CCDC88A: variants seen among roughly 807,000 people sequenced by gnomAD.
CCDC88A encodes the protein girdin.
Under a neutral mutation model 234.3 loss-of-function variants are expected in CCDC88A, and 54 were observed. The ratio of observed to expected loss-of-function variants is 0.23; its 90% CI spans 0.19 to 0.29. CCDC88A has a LOEUF of 0.29. CCDC88A is among the 10% of genes least tolerant of loss of function. CCDC88A has a pLI of 1.00. For missense variants in CCDC88A, 1,832 were observed against 2,123.4 expected (o/e 0.86, Z 2.70); for synonymous variants, 753 against 737.8 (o/e 1.02, Z -0.33).
intron 17 of CCDC88A, chr2:55,323,356 G>A (rs1471146318): frequency 1.3e-5 from 2 of 151,998 alleles, no homozygotes; most frequent in Non-Finnish European, 2.9e-5. Context: ...ATTAAGGCAG[G>A]GATAGAAATG....
At position 55,296,429 on chromosome 2, in the gene CCDC88A, G is replaced by A. The variant is rs1290944817; in HGVS notation, c.4920C>T (p.Ser1640=). The A allele has an allele frequency of 6.2e-7, 1 of 1,614,154 alleles. No homozygotes were observed. Residue 1640 remains serine, a synonymous_variant, in exon 30 of 33, where the codon AGC becomes AGT. Transcript: ENST00000436346. ...GTCTTTTCAAGTACTGGATTGGACT[G>A]CTACCACTGCTGGACCAAGCCTCAT... ...HDHEAWSSSG[S]SPIQYLKRQT...
chr2:55,406,176 A>T (rs1016882401), intron 2 of CCDC88A: 2 of 151,816 alleles, frequency 1.3e-5, no homozygotes, highest in East Asian at 1.9e-4. Context: ...AAAAAAAAAA[A>T]ATACAAATTC....
chr2:55,337,652 C>CG (rs1667967996), intron 13 of CCDC88A: 1 of 152,050 alleles, frequency 6.6e-6, no homozygotes, highest in South Asian at 2.1e-4. Flanking sequence ...CACAGTGAAA[C>CG]GATGTCTCTA....
chr2:55,350,920 G>A (rs184597793), intron 8 of CCDC88A, among the ~76,000 whole-genome samples: 2 of 152,158 alleles, frequency 1.3e-5, no homozygotes, highest in African/African-American at 4.8e-5. Flanking sequence ...CCAAAGCACT[G>A]GGATTACCGG....
At chr2:55,412,975 G>A (rs867281346) in intron 2 of CCDC88A, among the ~76,000 whole-genome samples, 54 of 152,258 alleles carry the variant, frequency 3.5e-4, no homozygotes, top group African/African-American at 1.3e-3. Flanking sequence ...AAGCTGAGGT[G>A]GGAGGATCAC....
intron 31 of CCDC88A, chr2:55,294,260 C>G (rs1416782505): frequency 1.1e-6 from 1 of 950,412 alleles, no homozygotes; most frequent in Admixed American, 6.2e-5. Context: ...AGTATAGAAG[C>G]CATCTTGAAG....
intron 2 of CCDC88A, among the ~76,000 whole-genome samples, chr2:55,407,530 G>A (rs1055698896): frequency 3.3e-5 from 5 of 151,520 alleles, no homozygotes; most frequent in South Asian, 2.1e-4. Context: ...GCTTGAAACC[G>A]GGAGGCAGAG....
chr2:55,309,142 T>C lies in CCDC88A; in HGVS notation c.4172+20A>G. On this transcript the variant is annotated intron_variant, in intron 24 of 32. Transcript: ENST00000436346. This position sits in a 1 kb window ranked among gnomAD's most constrained non-coding sequence, Gnocchi z 5.1. ...TGTTTTTTTTCAGAATAAGAATTCA[T>C]AAAATTTGGTTAATGGTACCTTCTA... 3 of 1,476,872 alleles carry C rather than the reference T, an allele frequency of 2.0e-6. No homozygotes were observed. The highest frequency in any genetic ancestry group is 1.9e-6 in the Non-Finnish European group (2 of 1,066,654). The allele number at this position is 1,476,872 out of a possible 1,614,324, so 91.5% of individuals were successfully genotyped here.
Position 55,290,876 on chromosome 2 carries a change from A to G in CCDC88A, c.*324T>C, listed in dbSNP as rs1207909674. On this transcript the variant is annotated 3_prime_UTR_variant, in exon 33 of 33. Coordinates refer to ENST00000436346, the MANE Select transcript of CCDC88A (RefSeq NM_001365480.1). ...TTGTTCTTGGAGTACTTCTTTAAAC[A>G]CTTAACCTTAAAACACCTGGTCCTT... 6.6e-6 allele frequency: 1 copy of G among 152,570 alleles called. No homozygotes were observed. The highest frequency in any genetic ancestry group is 2.4e-5 in the African/African-American group (1 of 41,460). The allele number at this position is 152,570 out of a possible 1,614,324, so 9.5% of individuals were successfully genotyped here.
intron 2 of CCDC88A, among the ~76,000 whole-genome samples, chr2:55,401,563 CCAT>C (rs1429148189): frequency 9.4e-5 from 2 of 21,344 alleles, no homozygotes; most frequent in African/African-American, 1.5e-4. Context: ...TTTCTCCCCC[CCAT>C]AAATTCAAAT....
At chr2:55,351,421 C>T (rs1296364917) in intron 8 of CCDC88A, among the ~76,000 whole-genome samples, 3 of 151,994 alleles carry the variant, frequency 2.0e-5, no homozygotes, top group East Asian at 1.9e-4. Context: ...AGTCCCAGCT[C>T]ACTGCAGCCT....
In CCDC88A at chr2:55,388,811, G is replaced by T; in HGVS notation, c.240C>A (p.Ser80=). 1 of 1,522,944 alleles carries T rather than the reference G, an allele frequency of 6.6e-7. No homozygotes were observed. The highest frequency in any genetic ancestry group is 9.0e-7 in the Non-Finnish European group (1 of 1,114,666). 94.3% of individuals were successfully genotyped at this position (1,522,944 alleles called of 1,614,324 possible). A position where few individuals can be genotyped will look rare whatever the true frequency, so the allele number is the denominator to read the frequency against. ...AAAATTTTATCTGTCTCACCAAAAT[G>T]GATAGATTGTGCATTCTAAGTGAGG... ...NDASLRMHNL[S]ILVRQIKFYY... Residue 80 remains serine, a synonymous_variant, in exon 3 of 33, where the codon TCC becomes TCA. Transcript: ENST00000436346.
chr2:55,410,119 A>C (rs903737092), intron 2 of CCDC88A, among the ~76,000 whole-genome samples: 1 of 152,096 alleles, frequency 6.6e-6, no homozygotes, highest in Non-Finnish European at 1.5e-5. Flanking sequence ...ACTCAATTTG[A>C]AGGCCCACAC....
In CCDC88A at chr2:55,388,837, C is replaced by T. The variant is rs575082712; in HGVS notation, c.214G>A (p.Ala72Thr). The change falls in exon 3 of 33, where the codon GCC (alanine) becomes ACC (threonine). Residue 72 changes from alanine to threonine, a missense_variant. Physicochemically the swap from Ala to Thr is moderately conservative, Grantham distance 58. This residue lies in a region of CCDC88A where 84 missense variants were observed against 80.9 expected (regional missense o/e 1.04). Coordinates refer to ENST00000436346, the MANE Select transcript of CCDC88A (RefSeq NM_001365480.1). Reference sequence around the variant, plus strand: ...GATAGATTGTGCATTCTAAGTGAGGCATCATTATTGACTTTTTTATTTACT... The same window carrying T: ...GATAGATTGTGCATTCTAAGTGAGGTATCATTATTGACTTTTTTATTTACT... The part of the protein sequence containing the change: ...QRVNKKVNND[A>T]SLRMHNLSIL... The T allele has an allele frequency of 3.9e-6, 6 of 1,542,264 alleles. No homozygotes were observed. The Admixed American group carries it at 5.6e-5, about 14-fold the overall frequency.
chr2:55,393,598 C>CTAT (rs1348069126), intron 2 of CCDC88A, among the ~76,000 whole-genome samples: 1 of 151,924 alleles, frequency 6.6e-6, no homozygotes, highest in Non-Finnish European at 1.5e-5. Flanking sequence ...CCAGCCAAAA[C>CTAT]TATAGAGTTT....
At chr2:55,351,497 C>T (rs1205406283) in intron 8 of CCDC88A, among the ~76,000 whole-genome samples, 1 of 152,040 alleles carries the variant, frequency 6.6e-6, no homozygotes, top group Non-Finnish European at 1.5e-5. Context: ...CAGGCACATG[C>T]CACCACACCC....
chr2:55,357,454 T>A (rs1670742331), intron 7 of CCDC88A, among the ~76,000 whole-genome samples: 2 of 151,264 alleles, frequency 1.3e-5, no homozygotes, highest in Admixed American at 1.3e-4. Flanking sequence ...TTTTCCTAAG[T>A]CTAAACTTTA....
intron 5 of CCDC88A, among the ~76,000 whole-genome samples, chr2:55,368,065 A>C (rs1672280997): frequency 6.6e-6 from 1 of 152,210 alleles, no homozygotes; most frequent in Non-Finnish European, 1.5e-5. Flanking sequence ...GGATGGTTTC[A>C]CCTAGGACTC....
At chr2:55,418,769 G>A in intron 2 of CCDC88A, 47 bp downstream of exon 2, 1 of 1,419,860 alleles carries the variant, frequency 7.0e-7, no homozygotes, top group Non-Finnish European at 1.0e-6. Context: ...TTCACCATAT[G>A]CTATTTCTCA....
Sources: gnomAD v4.1 joint callset for allele counts (sites outside exome capture counted in the v4.1 genomes callset) on GRCh38, gnomAD v4.1.1 for gene constraint, gnomAD v4.1.1 regional missense constraint, Gnocchi (gnomAD v3.1) non-coding constraint, MANE v1.5 for transcripts, NCBI Gene and HGNC (gene_info 2026-07-23, HGNC 2026-07-21) for gene names.